Variants in MSRA observed in about 807,000 individuals in gnomAD.
MSRA encodes the protein methionine sulfoxide reductase A, also known as mitochondrial peptide methionine sulfoxide reductase.
MSRA carries 54 observed loss-of-function variants against 31.3 expected under a neutral mutation model. The ratio of observed to expected loss-of-function variants is 1.73; its 90% CI spans 1.39 to 2.17. The LOEUF (loss-of-function observed/expected upper bound fraction) is 2.17. MSRA is among the 30% of genes most tolerant of loss of function. The pLI is 0.00. For missense variants in MSRA, 507 were observed against 300.9 expected (o/e 1.69, Z -5.07); for synonymous variants, 169 against 116.5 (o/e 1.45, Z -2.90).
At chr8:10,222,395 C>T (rs188620438) in intron 2 of MSRA, among the ~76,000 whole-genome samples, 4 of 152,102 alleles carry the variant, frequency 2.6e-5, no homozygotes, top group African/African-American at 7.2e-5. Flanking sequence ...TGAGGACTCT[C>T]ACTGTTGGTG....
intron 1 of MSRA, among the ~76,000 whole-genome samples, chr8:10,090,357 A>G (rs530790920): frequency 1.3e-5 from 2 of 152,296 alleles, no homozygotes; most frequent in South Asian, 4.1e-4. Flanking sequence ...AAGAAGTCAA[A>G]ACAGTAAGGC....
At chr8:10,342,900 C>T (rs1480021296) in intron 5 of MSRA, among the ~76,000 whole-genome samples, 1 of 152,190 alleles carries the variant, frequency 6.6e-6, no homozygotes, top group Non-Finnish European at 1.5e-5. Context: ...GTCTTAACTT[C>T]TCTGGCCTGA....
chr8:10,082,074 T>G (rs1798324207), intron 1 of MSRA, among the ~76,000 whole-genome samples: 1 of 152,020 alleles, frequency 6.6e-6, no homozygotes, highest in African/African-American at 2.4e-5. Flanking sequence ...GGTGTGGTGG[T>G]GTGCACCCGT....
intron 2 of MSRA, among the ~76,000 whole-genome samples, chr8:10,212,923 G>A (rs1472688357): frequency 6.6e-6 from 1 of 151,980 alleles, no homozygotes; most frequent in African/African-American, 2.4e-5. Context: ...TACATAGTAG[G>A]TATATATATT....
intron 4 of MSRA, among the ~76,000 whole-genome samples, chr8:10,306,134 C>A (rs1188120967): frequency 1.3e-5 from 2 of 152,056 alleles, no homozygotes; most frequent in African/African-American, 4.8e-5. Context: ...GTGGTGGGTG[C>A]CTGAGATTTA....
intron 1 of MSRA, among the ~76,000 whole-genome samples, chr8:10,180,141 C>G (rs1806411957): frequency 6.6e-6 from 1 of 152,242 alleles, no homozygotes; most frequent in South Asian, 2.1e-4. Flanking sequence ...ACCTGCACTT[C>G]TCTCTGACTT....
At chr8:10,193,062 C>A (rs575964391) in intron 1 of MSRA, among the ~76,000 whole-genome samples, 46 of 152,304 alleles carry the variant, frequency 3.0e-4, no homozygotes, top group African/African-American at 1.0e-3. Context: ...ATAATTTAGT[C>A]TTGGCACTAA....
At chr8:10,142,556 C>T (rs1190549465) in intron 1 of MSRA, among the ~76,000 whole-genome samples, 1 of 152,194 alleles carries the variant, frequency 6.6e-6, no homozygotes, top group Non-Finnish European at 1.5e-5. Flanking sequence ...TGATTTTTCC[C>T]CTCTCCTGGA....
intron 3 of MSRA, among the ~76,000 whole-genome samples, chr8:10,299,487 A>G (rs1800727119): frequency 6.6e-6 from 1 of 152,158 alleles, no homozygotes. Context: ...TTTTAGCATA[A>G]AATCTGTTTA....
intron 4 of MSRA, among the ~76,000 whole-genome samples, chr8:10,305,688 A>T (rs1157717969): frequency 2.0e-5 from 3 of 152,322 alleles, no homozygotes; most frequent in Admixed American, 2.0e-4. Context: ...CTGGGATTAC[A>T]GGCCACAAGG....
At chr8:10,126,219 C>T (rs965526939) in intron 1 of MSRA, among the ~76,000 whole-genome samples, 5 of 152,140 alleles carry the variant, frequency 3.3e-5, no homozygotes, top group African/African-American at 4.8e-5. Context: ...AGCCAGACAA[C>T]GTGAAAGAAG....
intron 3 of MSRA, among the ~76,000 whole-genome samples, chr8:10,289,212 AC>A (rs1800101369): frequency 6.6e-6 from 1 of 151,910 alleles, no homozygotes. Context: ...GACGGATTTC[AC>A]CATGTTGGCC....
intron 1 of MSRA, among the ~76,000 whole-genome samples, chr8:10,170,183 G>C (rs1805477113): frequency 6.6e-6 from 1 of 151,552 alleles, no homozygotes; most frequent in Non-Finnish European, 1.5e-5. Context: ...ACTGTGCCGG[G>C]CCTTCCTTGG....
At chr8:10,153,692 C>T (rs1007409074) in intron 1 of MSRA, among the ~76,000 whole-genome samples, 6 of 152,102 alleles carry the variant, frequency 3.9e-5, no homozygotes, top group African/African-American at 1.4e-4. Context: ...CCATGAAGTA[C>T]GCTGGCTGCT....
At chr8:10,423,300 A>G (rs910764467) in intron 5 of MSRA, among the ~76,000 whole-genome samples, 3 of 152,170 alleles carry the variant, frequency 2.0e-5, no homozygotes, top group Admixed American at 6.5e-5. Flanking sequence ...ATCTGCTCCA[A>G]TTCGTTAAGG....
rs200274857 is a variant in MSRA at position 10,079,168 on chromosome 8, C to CT, written c.142+24519dup. Among the ~76,000 whole-genome samples, 1,490 of 151,214 alleles carry CT rather than the reference C, an allele frequency of 9.9e-3. 9 individuals carry two copies. Among genetic ancestry groups the CT allele is most frequent in the Non-Finnish European group, 0.015 (1,010 of 67,724 alleles). On this transcript the variant is annotated intron_variant, in intron 1 of 5. Coordinates refer to ENST00000317173, the MANE Select transcript of MSRA (RefSeq NM_012331.5). ...TCAGCATATGATGTGGTACTTTTTT[C>CT]TTTTTTTTTAGGCAGGGTCTCACTT... is the stretch of plus-strand genomic sequence containing the variant.
At chr8:10,276,766 T>A (rs938822052) in intron 3 of MSRA, among the ~76,000 whole-genome samples, 12 of 152,214 alleles carry the variant, frequency 7.9e-5, no homozygotes, top group Non-Finnish European at 1.6e-4. Context: ...TGCTTGTTAT[T>A]CTTAATTTTT....
Position 10,054,550 on chromosome 8 carries a change from C to T in MSRA, c.34C>T (p.Leu12Phe). 3 of 1,587,172 alleles carry T rather than the reference C, an allele frequency of 1.9e-6. No homozygotes were observed. Among genetic ancestry groups the T allele is most frequent in the Non-Finnish European group, 2.6e-6 (3 of 1,167,192 alleles). ...LSATRRACQL[L>F]LLHSLFPVPR... is the part of the protein sequence containing the mutation. ...GGCCACCCGGAGGGCTTGCCAGCTC[C>T]TCCTCCTCCACAGCCTCTTTCCCGT... The change falls in exon 1 of 6, where the codon CTC becomes TTC. Residue 12 changes from leucine (L) to phenylalanine (F), a missense_variant. Coordinates refer to ENST00000317173, the MANE Select transcript of MSRA (RefSeq NM_012331.5).
At chr8:10,164,381 T>G (rs1288920293) in intron 1 of MSRA, among the ~76,000 whole-genome samples, 1 of 152,202 alleles carries the variant, frequency 6.6e-6, no homozygotes, top group African/African-American at 2.4e-5. Flanking sequence ...TCCCTTCCCT[T>G]GGCTGCTGGC....
Sources: gnomAD v4.1 joint callset for allele counts (sites outside exome capture counted in the v4.1 genomes callset) on GRCh38, gnomAD v4.1.1 for gene constraint, MANE v1.5 for transcripts, NCBI Gene and HGNC (gene_info 2026-07-23, HGNC 2026-07-21) for gene names.